The following ELOVL6 variants were observed in gnomAD, a reference collection of about 807,000 sequenced individuals.
ELOVL6 encodes very long chain fatty acid elongase 6.
A neutral mutation model predicts 31.7 loss-of-function variants in ELOVL6; 8 were observed. The observed-to-expected ratio is 0.25, with a 90% CI of 0.15 to 0.45. The LOEUF is 0.45. Among genes scored for constraint, ELOVL6 ranks in the 20% least tolerant of loss-of-function variants. The pLI is 1.00. For synonymous variants in ELOVL6, 101 were observed against 117.7 expected (o/e 0.86, Z 0.92); for missense variants, 126 against 326.4 (o/e 0.39, Z 4.73).
At chr4:110,084,100 A>ATGATATATATGATATATATAACATATATG (rs1756035101) in intron 2 of ELOVL6, among the ~76,000 whole-genome samples, 1 of 52,350 alleles carries the variant, frequency 1.9e-5, no homozygotes. Flanking sequence ...TAACATATAT[A>ATGATATATATGATATATATAACATATATG]TGATATATAT....
At chr4:110,084,185 A>ACATATAACTTATATGATATATAT (rs1560814406) in intron 2 of ELOVL6, among the ~76,000 whole-genome samples, 1,117 of 67,166 alleles carry the variant, frequency 0.017, 144 homozygotes, top group African/African-American at 0.071. Flanking sequence ...GATATATATA[A>ACATATAACTTATATGATATATAT]CATATAACTT....
In ELOVL6 at chr4:110,074,795, C is replaced by T. The variant is rs1283321275; in HGVS notation, c.222-15041G>A. ...TATGACGACACTTGAGCAGAGGCATCAAGGAAGTGGGTAAGCCCTGCGCTG... is the reference window on the plus strand; with the variant it reads ...TATGACGACACTTGAGCAGAGGCATTAAGGAAGTGGGTAAGCCCTGCGCTG... On this transcript the variant is annotated intron_variant, in intron 2 of 3. Transcript: ENST00000302274. 4.6e-5 allele frequency among the ~76,000 whole-genome samples: 7 copies of T among 152,142 alleles called. No homozygotes were observed. The East Asian group carries it at 1.3e-3, about 29-fold the overall frequency.
intron 2 of ELOVL6, among the ~76,000 whole-genome samples, chr4:110,082,882 C>CATATATCATATATCATATATATTATAA (rs1560812391): frequency 8.5e-5 from 13 of 152,050 alleles, no homozygotes; most frequent in African/African-American, 2.9e-4. Context: ...CAACAATTAT[C>CATATATCATATATCATATATATTATAA]CACAAACGCT....
chr4:110,091,559 A>G (rs1235362263), intron 2 of ELOVL6, among the ~76,000 whole-genome samples: 1 of 152,186 alleles, frequency 6.6e-6, no homozygotes, highest in African/African-American at 2.4e-5. Context: ...GAGAAACCAC[A>G]TCCCTGCCCC....
intron 1 of ELOVL6, among the ~76,000 whole-genome samples, chr4:110,170,155 T>A (rs1758903247): frequency 6.6e-6 from 1 of 152,198 alleles, no homozygotes; most frequent in South Asian, 2.1e-4. Context: ...ATAAATTTTT[T>A]AAATCTCCAG....
At chr4:110,062,400 G>T (rs1755166917) in intron 2 of ELOVL6, among the ~76,000 whole-genome samples, 1 of 152,218 alleles carries the variant, frequency 6.6e-6, no homozygotes, top group Admixed American at 6.5e-5. Flanking sequence ...AAGGCGCATT[G>T]TTGGGATGTG....
intron 1 of ELOVL6, among the ~76,000 whole-genome samples, chr4:110,112,345 T>C (rs917855955): frequency 3.9e-5 from 6 of 152,236 alleles, no homozygotes; most frequent in African/African-American, 1.4e-4. Flanking sequence ...CTGTTCATAG[T>C]AAAAGATAGC....
intron 1 of ELOVL6, among the ~76,000 whole-genome samples, chr4:110,116,562 T>C (rs969022066): frequency 6.6e-6 from 1 of 152,232 alleles, no homozygotes; most frequent in Non-Finnish European, 1.5e-5. Context: ...TCTAGTATAA[T>C]ATACAATTTA....
intron 2 of ELOVL6, among the ~76,000 whole-genome samples, chr4:110,078,582 G>A (rs1755727241): frequency 6.6e-6 from 1 of 152,164 alleles, no homozygotes; most frequent in East Asian, 1.9e-4. Context: ...AAGAGCTCCT[G>A]AAGGAAGCAC....
chr4:110,067,767 G>C (rs1488473225), intron 2 of ELOVL6, among the ~76,000 whole-genome samples: 1 of 152,094 alleles, frequency 6.6e-6, no homozygotes, highest in African/African-American at 2.4e-5. Flanking sequence ...TTTTTTAAAG[G>C]TTATGCGTCT....
intron 1 of ELOVL6, among the ~76,000 whole-genome samples, chr4:110,149,493 C>T (rs1420446317): frequency 6.6e-6 from 1 of 152,084 alleles, no homozygotes; most frequent in Non-Finnish European, 1.5e-5. Context: ...TGTATAGAAC[C>T]GGAGGCCATT....
At chr4:110,108,321 T>C (rs989534334) in intron 1 of ELOVL6, among the ~76,000 whole-genome samples, 1 of 152,238 alleles carries the variant, frequency 6.6e-6, no homozygotes, top group Non-Finnish European at 1.5e-5. Flanking sequence ...GTTAAATGAA[T>C]ATCTTCATAC....
At chr4:110,144,438 T>A (rs368606614) in intron 1 of ELOVL6, among the ~76,000 whole-genome samples, 188 of 152,346 alleles carry the variant, frequency 1.2e-3, no homozygotes, top group African/African-American at 4.3e-3. Flanking sequence ...AAAATCATAT[T>A]TGCTTAGCTC....
intron 1 of ELOVL6, among the ~76,000 whole-genome samples, chr4:110,117,341 C>T (rs1438459016): frequency 6.6e-6 from 1 of 152,160 alleles, no homozygotes; most frequent in Non-Finnish European, 1.5e-5. Flanking sequence ...TTCAAAAGTA[C>T]GTTCACTGAT....
chr4:110,123,349 T>G (rs1355334340), intron 1 of ELOVL6, among the ~76,000 whole-genome samples: 1 of 152,158 alleles, frequency 6.6e-6, no homozygotes, highest in East Asian at 1.9e-4. Flanking sequence ...TTGAAATGAT[T>G]TAAATTATTC....
intron 1 of ELOVL6, among the ~76,000 whole-genome samples, chr4:110,182,890 A>C (rs1300542030): frequency 6.6e-6 from 1 of 152,104 alleles, no homozygotes; most frequent in Admixed American, 6.6e-5. Context: ...CCTGGGCAAC[A>C]AGAACAAAAC....
At chr4:110,112,086 C>A (rs1232040284) in intron 1 of ELOVL6, among the ~76,000 whole-genome samples, 3 of 152,148 alleles carry the variant, frequency 2.0e-5, no homozygotes, top group African/African-American at 7.2e-5. Flanking sequence ...TAACTTGTGC[C>A]CCCAGAAAAA....
chr4:110,100,238 G>C lies in ELOVL6; in HGVS notation c.221+5259C>G, dbSNP rs184929800. 9.9e-3 allele frequency among the ~76,000 whole-genome samples: 1,510 copies of C among 152,252 alleles called. 89 individuals are homozygous for C. Among genetic ancestry groups the C allele is most frequent in the Admixed American group, 0.093 (1,416 of 15,288 alleles). ...GGGGAGAGATTTTCAGGGAAACCCA[G>C]AGAAATCTTCCTCAAATGAAATGAT... On this transcript the variant is annotated intron_variant, in intron 2 of 3. Transcript: ENST00000302274.
At chr4:110,177,868 A>C (rs1309626534) in intron 1 of ELOVL6, among the ~76,000 whole-genome samples, 1 of 152,210 alleles carries the variant, frequency 6.6e-6, no homozygotes, top group Non-Finnish European at 1.5e-5. Flanking sequence ...TGTTCTTCAC[A>C]CCAAACTGAT....
Sources: gnomAD v4.1 joint callset for allele counts (sites outside exome capture counted in the v4.1 genomes callset) on GRCh38, gnomAD v4.1.1 for gene constraint, MANE v1.5 for transcripts, NCBI Gene and HGNC (gene_info 2026-07-23, HGNC 2026-07-21) for gene names.